The following AGBL1 variants were observed in gnomAD, a reference collection of about 807,000 sequenced individuals.
AGBL1 encodes the protein cytosolic carboxypeptidase 4.
Under a neutral mutation model 118.9 loss-of-function variants are expected in AGBL1, and 130 were observed. That is an observed-to-expected ratio of 1.09 (90% CI 0.95 to 1.26). AGBL1 has a LOEUF of 1.26. Among genes scored for constraint, AGBL1 ranks in the 50% most tolerant of loss-of-function variants. The probability of loss-of-function intolerance (pLI) is 0.00; values close to 1 mark genes in which losing one functional copy is unlikely to be tolerated. For synonymous variants in AGBL1, 555 were observed against 478.9 expected (o/e 1.16, Z -2.08); for missense variants, 1,584 against 1,298.1 (o/e 1.22, Z -3.38).
chr15:86,763,374 A>T (rs1414578398), intron 22 of AGBL1, among the ~76,000 whole-genome samples: 1 of 152,046 alleles, frequency 6.6e-6, no homozygotes, highest in Non-Finnish European at 1.5e-5. Flanking sequence ...TTGTATCCTC[A>T]ATGAATTGCA....
At position 86,507,043 on chromosome 15, in the gene AGBL1, C is replaced by A. The variant is rs984380421; in HGVS notation, c.2556-15767C>A. ...GATGACATTTTTCTGATCCATGAGA[C>A]CTAACTATAAAGATGTTTTGATTTC... On this transcript the variant is annotated intron_variant, in intron 18 of 22. Coordinates refer to ENST00000614907, the MANE Select transcript of AGBL1 (RefSeq NM_001386094.1). 5.9e-5 allele frequency among the ~76,000 whole-genome samples: 9 copies of A among 151,986 alleles called. No individual in the cohort carries two copies. In the East Asian group the frequency reaches 1.7e-3, roughly 29 times the overall value.
At chr15:86,994,345 C>T (rs1024871054) in intron 24 of AGBL1, among the ~76,000 whole-genome samples, 9 of 152,180 alleles carry the variant, frequency 5.9e-5, no homozygotes, top group East Asian at 1.9e-4. Context: ...GATCTCTCTA[C>T]GTCCCAGGAT....
chr15:86,501,294 G>C (rs2082914913), intron 18 of AGBL1, among the ~76,000 whole-genome samples: 2 of 151,538 alleles, frequency 1.3e-5, no homozygotes, highest in Admixed American at 6.6e-5. Context: ...TTGGTGATTT[G>C]TATATCCTAT....
At chr15:86,736,377 C>G (rs1170528719) in intron 22 of AGBL1, among the ~76,000 whole-genome samples, 2 of 146,142 alleles carry the variant, frequency 1.4e-5, no homozygotes, top group Admixed American at 1.3e-4. Flanking sequence ...GAAACTCTGT[C>G]TCAAAAAAAA....
chr15:86,187,932 C>T (rs1474178990), intron 5 of AGBL1, among the ~76,000 whole-genome samples: 1 of 152,208 alleles, frequency 6.6e-6, no homozygotes, highest in Non-Finnish European at 1.5e-5. Flanking sequence ...TTAAGCAAAG[C>T]ATCATCCACA....
intron 19 of AGBL1, among the ~76,000 whole-genome samples, chr15:86,528,508 C>T (rs1013285641): frequency 4.1e-4 from 62 of 151,212 alleles, no homozygotes; most frequent in African/African-American, 1.4e-3. Flanking sequence ...GATCAAACTG[C>T]AAGGTGGCAG....
chr15:86,699,834 G>A (rs747323671), intron 22 of AGBL1, among the ~76,000 whole-genome samples: 8 of 151,984 alleles, frequency 5.3e-5, no homozygotes, highest in Non-Finnish European at 1.0e-4. Flanking sequence ...GTAACTAATA[G>A]CTATTTTGTG....
At chr15:86,118,984 A>G (rs1822638) in intron 1 of AGBL1, among the ~76,000 whole-genome samples, 24,902 of 152,104 alleles carry the variant, frequency 0.16, 2,149 homozygotes, top group Middle Eastern at 0.21. Flanking sequence ...ATTATGTAAT[A>G]CTCTGAGAGT....
intron 21 of AGBL1, among the ~76,000 whole-genome samples, chr15:86,612,888 A>T (rs548959014): frequency 4.5e-4 from 68 of 152,298 alleles, no homozygotes; most frequent in African/African-American, 1.5e-3. Context: ...CCTTAACTCA[A>T]GCTGATTTCA....
Position 86,433,266 on chromosome 15 carries a change from C to CTTTTTTTTTTTTTTTTTTTT in AGBL1, c.2555+35728_2555+35747dup, listed in dbSNP as rs59417397. Among the ~76,000 whole-genome samples the CTTTTTTTTTTTTTTTTTTTT allele has an allele frequency of 5.7e-4, 43 of 74,880 alleles. 7 individuals carry two copies. The highest frequency in any genetic ancestry group is 1.7e-3 in the African/African-American group (33 of 18,990). 49.1% of individuals were successfully genotyped at this position (74,880 alleles called of 152,430 possible). A position where few individuals can be genotyped will look rare whatever the true frequency, so the allele number is the denominator to read the frequency against. Reference sequence around the variant, plus strand: ...TCTCCTCCTCCTCCTCCTCCTTCTTCTTTTTTTTTTTTTTTTTTTTTTTTT... The same window carrying CTTTTTTTTTTTTTTTTTTTT: ...TCTCCTCCTCCTCCTCCTCCTTCTTCTTTTTTTTTTTTTTTTTTTTTTTTTTTTTTTTTTTTTTTTTTTTT... On this transcript the variant is annotated intron_variant, in intron 18 of 22. Coordinates refer to ENST00000614907, the MANE Select transcript of AGBL1 (RefSeq NM_001386094.1).
chr15:86,560,231 G>A (rs2083795794), intron 21 of AGBL1, among the ~76,000 whole-genome samples: 1 of 151,718 alleles, frequency 6.6e-6, no homozygotes, highest in South Asian at 2.1e-4. Context: ...ATGTTGGTGT[G>A]CTACACCCAT....
intron 1 of AGBL1, chr15:86,139,776 T>A (rs1466853533): frequency 6.5e-6 from 1 of 153,646 alleles, no homozygotes; most frequent in Non-Finnish European, 1.4e-5. Flanking sequence ...TTTTTTTTTT[T>A]TAAAAACCAG....
At chr15:86,807,388 A>G (rs2078731877) in intron 22 of AGBL1, among the ~76,000 whole-genome samples, 1 of 152,188 alleles carries the variant, frequency 6.6e-6, no homozygotes, top group East Asian at 1.9e-4. Flanking sequence ...ATTGAGCACC[A>G]AATGTGGAAC....
rs1806511 is a variant in AGBL1, at chr15:86,277,318, A to G, written c.2076-2321A>G. Among the ~76,000 whole-genome samples the G allele has an allele frequency of 1.8e-4, 27 of 147,800 alleles. No individual in the cohort carries two copies. The South Asian group carries it at 3.0e-3, about 17-fold the overall frequency. On this transcript the variant is annotated intron_variant, in intron 15 of 22. Transcript: ENST00000614907. ...TGTGTGTGTGCATGTGTGTGTGTGT[A>G]TGTGTGTGTGTGTGTGTGTGTATGT... is the stretch of plus-strand genomic sequence containing the variant.
chr15:86,452,983 A>G (rs1236500709), intron 18 of AGBL1, among the ~76,000 whole-genome samples: 1 of 152,308 alleles, frequency 6.6e-6, no homozygotes, highest in South Asian at 2.1e-4. Flanking sequence ...TGCTTTCTAC[A>G]TAGCACATCC....
At chr15:86,204,517 C>CTT (rs1555447680) in intron 5 of AGBL1, among the ~76,000 whole-genome samples, 25 of 59,412 alleles carry the variant, frequency 4.2e-4, no homozygotes, top group African/African-American at 9.0e-4. Context: ...CTTCCCCTTC[C>CTT]CCTTCCTTCC....
intron 22 of AGBL1, among the ~76,000 whole-genome samples, chr15:86,802,585 G>A (rs1471386037): frequency 1.3e-5 from 2 of 152,078 alleles, no homozygotes; most frequent in Non-Finnish European, 2.9e-5. Flanking sequence ...ATGTTAACAC[G>A]TAAAAACACA....
chr15:86,509,219 G>A (rs2083022887), intron 18 of AGBL1, among the ~76,000 whole-genome samples: 1 of 152,098 alleles, frequency 6.6e-6, no homozygotes, highest in South Asian at 2.1e-4. Flanking sequence ...TGTAGTCAAA[G>A]GAAGTCTCAT....
chr15:86,773,821 G>T (rs1030041753), intron 22 of AGBL1, among the ~76,000 whole-genome samples: 1 of 151,932 alleles, frequency 6.6e-6, no homozygotes. Flanking sequence ...GTATGGAAAA[G>T]AATCTCTCCT....
Sources: allele counts gnomAD v4.1 joint callset (sites outside exome capture counted in the v4.1 genomes callset), GRCh38; gene constraint gnomAD v4.1.1; transcripts MANE v1.5; gene names NCBI Gene and HGNC (gene_info 2026-07-23, HGNC 2026-07-21).